NEB: variants seen among roughly 807,000 people sequenced by gnomAD.
NEB encodes nemaline myopathy type 2.
In NEB, 512 loss-of-function variants were observed where a neutral mutation model predicts 952.2. The observed-to-expected ratio is 0.54, with a 90% CI of 0.50 to 0.58. The LOEUF (loss-of-function observed/expected upper bound fraction) is 0.58, where lower values mean the gene tolerates loss of function less well. NEB is among the 20% of genes least tolerant of loss of function. The probability of loss-of-function intolerance (pLI) is 0.00; values close to 1 mark genes in which losing one functional copy is unlikely to be tolerated. For synonymous variants in NEB, 2,900 were observed against 3,149.8 expected, an observed-to-expected ratio of 0.92 and a Z score of 2.66; for missense variants, 8,428 against 9,231.1, an observed-to-expected ratio of 0.91 and a Z score of 3.56.
Position 151,562,172 on chromosome 2 carries a change from A to G in NEB, c.18934T>C (p.Cys6312Arg), listed in dbSNP as rs2096108981. Residue 6312 changes from cysteine to arginine, a missense_variant, in exon 121 of 182, where the codon TGC becomes CGC. By Grantham distance (180) the Cys-to-Arg change is radical (BLOSUM62 -3). This residue lies in a region of NEB where 3,374 missense variants were observed against 3,651.5 expected (regional missense o/e 0.92). Transcript: ENST00000397345. The stretch of plus-strand genomic sequence containing the variant: ...ATTTGGGGTGTATCCCAAACGTAGC[A>G]ACCAATGCCTTTCAACCAATTCAGG... Reference protein sequence around the residue: ...DDLNWLKGIGCYVWDTPQILH... With the variant: ...DDLNWLKGIGRYVWDTPQILH... 2 of 1,613,656 alleles carry G rather than the reference A, an allele frequency of 1.2e-6. No homozygotes were observed. Among genetic ancestry groups the G allele is most frequent in the Middle Eastern group, 1.7e-4 (1 of 6,056 alleles).
chr2:151,684,973 G>T lies in NEB; in HGVS notation c.2640C>A (p.Arg880=), dbSNP rs114959904. The T allele has an allele frequency of 1.9e-6, 3 of 1,596,912 alleles. No individual in the cohort carries two copies. In the East Asian group the frequency reaches 6.7e-5, roughly 36 times the overall value. ...ACTTTTCATAATCTTTTCGATATTC[G>T]CGCTGTGAATAGGAAATTATCATTT... ...SLKTAKNQSD[R]EYRKDYEKSK... The change falls in exon 28 of 182, where the codon CGC becomes CGA. Residue 880 remains arginine, a splice_region_variant and synonymous_variant. Coordinates refer to ENST00000397345, the MANE Select transcript of NEB (RefSeq NM_001164508.2).
At chr2:151,520,173 C>CTGTA (rs1472619198) in intron 153 of NEB, among the ~76,000 whole-genome samples, 1 of 152,008 alleles carries the variant, frequency 6.6e-6, no homozygotes, top group Admixed American at 6.6e-5. Context: ...CAAAGAAGGG[C>CTGTA]TGTAAATGAT....
At position 151,525,987 on chromosome 2, in the gene NEB, C is replaced by T. The variant is rs764524918; in HGVS notation, c.22132G>A (p.Val7378Ile). Residue 7378 changes from valine to isoleucine, a missense_variant, in exon 150 of 182, where the codon GTC becomes ATC. Physicochemically the swap from Val to Ile is conservative, Grantham distance 29. This residue lies in a region of NEB where 3,374 missense variants were observed against 3,651.5 expected (regional missense o/e 0.92). Transcript: ENST00000397345. ...CTGACATGCTTGGTCACTTCCTTGA[C>T]GTGAACAGTGTCCCGGGTCTCTGGT... Reference protein sequence around the residue: ...TLPETRDTVHVKEVTKHVSDT... With the variant: ...TLPETRDTVHIKEVTKHVSDT... 19 of 1,613,988 alleles carry T rather than the reference C, an allele frequency of 1.2e-5. No individual in the cohort carries two copies. The highest frequency in any genetic ancestry group is 5.0e-5 in the Admixed American group (3 of 60,026).
At chr2:151,575,587 G>A in intron 107 of NEB, 108 bp downstream of exon 107, 2 of 779,588 alleles carry the variant, frequency 2.6e-6, no homozygotes, top group East Asian at 2.6e-5. Context: ...GTCTTCCCCT[G>A]TTGCGGGAAG....
intron 63 of NEB, among the ~76,000 whole-genome samples, chr2:151,637,854 T>C (rs1029088256): frequency 6.6e-6 from 1 of 152,240 alleles, no homozygotes; most frequent in African/African-American, 2.4e-5. Context: ...AAGCTAGCTA[T>C]ACAAGCACTA....
chr2:151,677,717 T>C lies in NEB; in HGVS notation c.3622A>G (p.Ile1208Val). 1 of 1,613,978 alleles carries C rather than the reference T, an allele frequency of 6.2e-7. No individual in the cohort carries two copies. The highest frequency in any genetic ancestry group is 8.5e-7 in the Non-Finnish European group (1 of 1,179,878). Residue 1208 changes from isoleucine to valine, a missense_variant, in exon 34 of 182, where the codon ATT (isoleucine) becomes GTT (valine). Coordinates refer to ENST00000397345, the MANE Select transcript of NEB (RefSeq NM_001164508.2). ...ACTTTTTCGACGTCGAGACTGCCAA[T>C]AGGAATCCAGCCAATGCCTTTCATC... ...NWMKGIGWIPIGSLDVEKVKK... is the reference protein window; with the variant it reads ...NWMKGIGWIPVGSLDVEKVKK...
chr2:151,573,533 G>A (rs141698756), intron 107 of NEB, among the ~76,000 whole-genome samples: 5 of 152,092 alleles, frequency 3.3e-5, no homozygotes, highest in African/African-American at 9.7e-5. Flanking sequence ...ATACATCAGC[G>A]CCCTAAAATT....
At position 151,609,915 on chromosome 2, in the gene NEB, G is replaced by A. The variant is rs756518712; in HGVS notation, c.12224C>T (p.Thr4075Ile). The change falls in exon 81 of 182, where the codon ACT becomes ATT. Residue 4075 changes from threonine to isoleucine, a missense_variant. Physicochemically the swap from Thr to Ile is moderately conservative, Grantham distance 89. This residue lies in a region of NEB where 337 missense variants were observed against 297.5 expected (regional missense o/e 1.13). Coordinates refer to ENST00000397345, the MANE Select transcript of NEB (RefSeq NM_001164508.2). Reference protein sequence around the residue: ...LSILLAKKCQTLVTDIDYRNY... With the variant: ...LSILLAKKCQILVTDIDYRNY... ...GCGATAATCAATGTCAGTGACCAAA[G>A]TCTGACATTTCTTGGCCAGCAAGAT... 7 of 1,613,858 alleles carry A rather than the reference G, an allele frequency of 4.3e-6. No individual in the cohort carries two copies. Among genetic ancestry groups the A allele is most frequent in the Non-Finnish European group, 5.9e-6 (7 of 1,179,812 alleles).
intron 120 of NEB, among the ~76,000 whole-genome samples, 197 bp from the exon 121 acceptor site, chr2:151,562,411 C>G (rs2096125245): frequency 6.6e-6 from 1 of 152,084 alleles, no homozygotes; most frequent in Non-Finnish European, 1.5e-5. Flanking sequence ...TATTGTGAAA[C>G]CAATTAAATA....
chr2:151,538,254 GA>G lies in NEB; in HGVS notation c.20893-11del. ...TTTCTTTGTAGCGTAGCTAGAAAGA[GA>G]AAAAACACATGAATTACAAAAAAAC... On this transcript the variant is annotated splice_polypyrimidine_tract_variant and intron_variant, in intron 138 of 181. Transcript: ENST00000397345. 1 of 1,575,962 alleles carries G rather than the reference GA, an allele frequency of 6.3e-7. No individual in the cohort carries two copies. Among genetic ancestry groups the G allele is most frequent in the African/African-American group, 1.3e-5 (1 of 74,122 alleles).
chr2:151,695,464 A>G lies in NEB; in HGVS notation c.1674+114T>C. On this transcript the variant is annotated intron_variant, in intron 18 of 181. Transcript: ENST00000397345. Reference sequence around the variant, plus strand: ...GGCATAGCAACATGATACAAATGTTAACAGTTCTTCTCATTTTTAACATTA... The same window carrying G: ...GGCATAGCAACATGATACAAATGTTGACAGTTCTTCTCATTTTTAACATTA... 3 of 761,254 alleles carry G rather than the reference A, an allele frequency of 3.9e-6. No individual in the cohort carries two copies. In the South Asian group the frequency reaches 5.0e-5, roughly 13 times the overall value. The allele number at this position is 761,254 out of a possible 1,614,324, so 47.2% of individuals were successfully genotyped here. A position where few individuals can be genotyped will look rare whatever the true frequency, so the allele number is the denominator to read the frequency against.
At chr2:151,544,312 T>C (rs542645206) in intron 135 of NEB, among the ~76,000 whole-genome samples, 23 of 152,326 alleles carry the variant, frequency 1.5e-4, no homozygotes, top group African/African-American at 4.8e-4. Context: ...TCTGAAGCAC[T>C]ATAAGTTACC....
chr2:151,633,581 G>A (rs903529086), intron 65 of NEB, 73 bp downstream of exon 65: 4 of 1,518,118 alleles, frequency 2.6e-6, no homozygotes, highest in Non-Finnish European at 3.6e-6. Flanking sequence ...GTAATGGATT[G>A]TATATAAAGG....
chr2:151,551,053 C>T (rs777670633), intron 129 of NEB, among the ~76,000 whole-genome samples: 7 of 151,374 alleles, frequency 4.6e-5, no homozygotes, highest in Non-Finnish European at 8.8e-5. Flanking sequence ...CTGCAACCTC[C>T]GCCCCCTGGG....
In NEB at chr2:151,659,097, A is replaced by G. The variant is rs748458556; in HGVS notation, c.6043T>C (p.Leu2015=). The G allele has an allele frequency of 2.0e-5, 32 of 1,612,538 alleles. No homozygotes were observed. The highest frequency in any genetic ancestry group is 2.5e-5 in the Non-Finnish European group (30 of 1,178,798). ...HIMPDIPQII[L]AKANAINMSD... ...ATATTAATTGCATTTGCCTTTGCCA[A>G]AATAATCTGGGGGATATCAGGCATG... Residue 2015 remains leucine, a synonymous_variant, in exon 47 of 182, where the codon TTG becomes CTG. Coordinates refer to ENST00000397345, the MANE Select transcript of NEB (RefSeq NM_001164508.2).
At chr2:151,732,726 G>A (rs1470232563) in intron 3 of NEB, among the ~76,000 whole-genome samples, 1 of 152,168 alleles carries the variant, frequency 6.6e-6, no homozygotes, top group Non-Finnish European at 1.5e-5. Context: ...AGAATAAGGA[G>A]TAGATCTTTT....
chr2:151,717,545 T>C (rs747952544), intron 9 of NEB, 25 bp from the exon 10 acceptor site: 7 of 1,536,306 alleles, frequency 4.6e-6, no homozygotes, highest in Middle Eastern at 1.7e-4. Flanking sequence ...GACAGGGATG[T>C]ATTTTAAAAA....
At chr2:151,550,020 C>T (rs2095176637) in intron 129 of NEB, among the ~76,000 whole-genome samples, 1 of 152,078 alleles carries the variant, frequency 6.6e-6, no homozygotes, top group African/African-American at 2.4e-5. Context: ...GTAATCTCAA[C>T]ACTTTGGGAG....
At chr2:151,658,859 G>C (rs1001340608) in intron 47 of NEB, among the ~76,000 whole-genome samples, 4 of 151,942 alleles carry the variant, frequency 2.6e-5, no homozygotes, top group Non-Finnish European at 4.4e-5. Flanking sequence ...CAATCACACC[G>C]TTCAAATTCT....
Sources: gnomAD v4.1 joint callset for allele counts (sites outside exome capture counted in the v4.1 genomes callset) on GRCh38, gnomAD v4.1.1 for gene constraint, gnomAD v4.1.1 regional missense constraint, MANE v1.5 for transcripts, NCBI Gene and HGNC (gene_info 2026-07-23, HGNC 2026-07-21) for gene names.